SOHLH2: variants seen among roughly 807,000 people sequenced by gnomAD.
SOHLH2 encodes spermatogenesis- and oogenesis-specific basic helix-loop-helix-containing protein 2.
Under a neutral mutation model 50.4 loss-of-function variants are expected in SOHLH2, and 22 were observed. The ratio of observed to expected loss-of-function variants is 0.44; its 90% CI spans 0.31 to 0.62. The LOEUF is 0.62. Ranked by LOEUF, SOHLH2 falls within the 20% of genes least tolerant of loss-of-function variation. The pLI, the probability that SOHLH2 is intolerant of heterozygous loss-of-function variation, is 0.08. For missense variants in SOHLH2, 412 were observed against 504.4 expected (o/e 0.82, Z 1.76); for synonymous variants, 185 against 187.3 (o/e 0.99, Z 0.10).
At chr13:36,188,625 A>G (rs1249033658) in intron 6 of SOHLH2, among the ~76,000 whole-genome samples, 3 of 152,066 alleles carry the variant, frequency 2.0e-5, no homozygotes, top group African/African-American at 4.8e-5. Context: ...ATCACATGAT[A>G]CTCCTGAGCA....
At chr13:36,211,136 C>A (rs1869093816) in intron 1 of SOHLH2, among the ~76,000 whole-genome samples, 1 of 151,956 alleles carries the variant, frequency 6.6e-6, no homozygotes, top group Non-Finnish European at 1.5e-5. Flanking sequence ...ATATGAATGC[C>A]CAAAAATAAC....
Position 36,204,601 on chromosome 13 carries a change from G to T in SOHLH2, c.49-2508C>A, listed in dbSNP as rs564516191. ...TCACAATGCCAGGTAGGGGTGTGTG[G>T]GGGTGTGTGTGTGTTTCTGGACTTC... On this transcript the variant is annotated intron_variant, in intron 1 of 10. Transcript: ENST00000379881. 6.6e-5 allele frequency among the ~76,000 whole-genome samples: 10 copies of T among 152,126 alleles called. No individual in the cohort carries two copies. In the South Asian group the frequency reaches 2.1e-3, roughly 32 times the overall value.
At chr13:36,177,962 G>A (rs936321266) in intron 6 of SOHLH2, among the ~76,000 whole-genome samples, 1 of 151,734 alleles carries the variant, frequency 6.6e-6, no homozygotes, top group Admixed American at 6.6e-5. Flanking sequence ...TGCTTTCTAT[G>A]TCCTGTCTAA....
intron 4 of SOHLH2, among the ~76,000 whole-genome samples, chr13:36,193,287 C>A (rs941171842): frequency 6.6e-6 from 1 of 152,168 alleles, no homozygotes; most frequent in Non-Finnish European, 1.5e-5. Context: ...TAGGTTAGGG[C>A]CCCTGGCTTT....
Position 36,193,966 on chromosome 13 carries a change from CTTCAT to C in SOHLH2, c.264-104_264-100del, listed in dbSNP as rs1209173686. ...ATTAGGAACTAACTACAGTGATTTT[CTTCAT>C]TTCTTTAGAATTTAAAATAATATCA... On this transcript the variant is annotated intron_variant, in intron 2 of 10. Coordinates refer to ENST00000379881, the MANE Select transcript of SOHLH2 (RefSeq NM_017826.3). 5 of 1,092,996 alleles carry C rather than the reference CTTCAT, an allele frequency of 4.6e-6. No individual in the cohort carries two copies. In the African/African-American group the frequency reaches 8.2e-5, roughly 18 times the overall value. 67.7% of individuals were successfully genotyped at this position (1,092,996 alleles called of 1,614,324 possible).
chr13:36,205,277 T>C (rs998858498), intron 1 of SOHLH2, among the ~76,000 whole-genome samples: 2 of 152,182 alleles, frequency 1.3e-5, no homozygotes, highest in Admixed American at 6.5e-5. Context: ...TTTAAAGCAT[T>C]GGCTAGAACA....
intron 1 of SOHLH2, among the ~76,000 whole-genome samples, chr13:36,212,162 G>C (rs990108825): frequency 6.6e-6 from 1 of 152,168 alleles, no homozygotes; most frequent in Non-Finnish European, 1.5e-5. Flanking sequence ...GATCTGGAAA[G>C]GGATGAGGAG....
intron 2 of SOHLH2, among the ~76,000 whole-genome samples, chr13:36,198,733 C>A (rs1185226534): frequency 6.6e-6 from 1 of 152,094 alleles, no homozygotes; most frequent in Non-Finnish European, 1.5e-5. Context: ...TCATTTTATT[C>A]TAAAATAAAT....
chr13:36,170,495 G>C (rs775034764), intron 10 of SOHLH2, 36 bp downstream of exon 10: 7 of 1,593,736 alleles, frequency 4.4e-6, no homozygotes, highest in Middle Eastern at 2.0e-4. Context: ...TGGAGTGAAA[G>C]GGTCCAATCT....
chr13:36,214,354 G>A (rs747095532), intron 1 of SOHLH2, 125 bp downstream of exon 1: 31 of 1,187,800 alleles, frequency 2.6e-5, no homozygotes, highest in Admixed American at 9.5e-5. Context: ...CCTGCTATTC[G>A]CTCCCCACAG....
At chr13:36,193,549 G>T in intron 4 of SOHLH2, 72 bp downstream of exon 4, 2 of 1,443,212 alleles carry the variant, frequency 1.4e-6, no homozygotes, top group Non-Finnish European at 1.9e-6. Flanking sequence ...GCTTGTTTTT[G>T]TCAGAATATA....
intron 9 of SOHLH2, among the ~76,000 whole-genome samples, chr13:36,173,135 G>T (rs1190554131): frequency 6.6e-6 from 1 of 152,090 alleles, no homozygotes; most frequent in Non-Finnish European, 1.5e-5. Flanking sequence ...GTTGGTCATT[G>T]TTCTAGGTAC....
At chr13:36,186,491 G>A (rs1279260276) in intron 6 of SOHLH2, among the ~76,000 whole-genome samples, 2 of 152,116 alleles carry the variant, frequency 1.3e-5, no homozygotes, top group Admixed American at 1.3e-4. Context: ...AGAACTGCCT[G>A]TTCTACCTTT....
intron 1 of SOHLH2, among the ~76,000 whole-genome samples, chr13:36,206,298 G>C (rs1202908637): frequency 6.6e-6 from 1 of 151,956 alleles, no homozygotes; most frequent in Admixed American, 6.6e-5. Flanking sequence ...GCAAAGTAGA[G>C]GATCTAAATT....
chr13:36,181,192 T>G (rs2138279098), intron 6 of SOHLH2, among the ~76,000 whole-genome samples: 1 of 152,322 alleles, frequency 6.6e-6, no homozygotes, highest in East Asian at 1.9e-4. Context: ...TCTGACTTTC[T>G]TATACTTCCT....
At chr13:36,187,836 G>A (rs1019228647) in intron 6 of SOHLH2, among the ~76,000 whole-genome samples, 17 of 152,052 alleles carry the variant, frequency 1.1e-4, no homozygotes, top group African/African-American at 3.9e-4. Flanking sequence ...CATCAGCTGC[G>A]GGGGATTAAA....
chr13:36,213,034 C>T (rs934877908), intron 1 of SOHLH2, among the ~76,000 whole-genome samples: 2 of 152,176 alleles, frequency 1.3e-5, no homozygotes, highest in South Asian at 4.1e-4. Context: ...GCAGAGCAGC[C>T]CACAATCAGC....
At chr13:36,182,432 T>A in intron 6 of SOHLH2, 1 of 290,032 alleles carries the variant, frequency 3.4e-6, no homozygotes, top group Non-Finnish European at 5.1e-6. Flanking sequence ...AGAGTGACTC[T>A]ATGACAGTTC....
At chr13:36,178,557 T>A (rs1030982587) in intron 6 of SOHLH2, among the ~76,000 whole-genome samples, 2 of 152,210 alleles carry the variant, frequency 1.3e-5, no homozygotes, top group African/African-American at 4.8e-5. Flanking sequence ...GTTTAAGTCC[T>A]TCTACTTTGT....
Sources: allele counts gnomAD v4.1 joint callset (sites outside exome capture counted in the v4.1 genomes callset), GRCh38; gene constraint gnomAD v4.1.1; transcripts MANE v1.5; gene names NCBI Gene and HGNC (gene_info 2026-07-23, HGNC 2026-07-21).